HOMER3: variants seen among roughly 807,000 people sequenced by gnomAD.
The protein encoded by HOMER3 is homer protein homolog 3.
In HOMER3, 34 loss-of-function variants were observed where a neutral mutation model predicts 45.5. That is an observed-to-expected ratio of 0.75 (90% CI 0.57 to 1.00). The LOEUF (loss-of-function observed/expected upper bound fraction) is 1.00. HOMER3 is among the 50% of genes least tolerant of loss of function. The probability of loss-of-function intolerance (pLI) is 0.00; values close to 1 mark genes in which losing one functional copy is unlikely to be tolerated. For missense variants in HOMER3, 480 were observed against 497.5 expected, an observed-to-expected ratio of 0.96 and a Z score of 0.33; for synonymous variants, 223 against 208.8, an observed-to-expected ratio of 1.07 and a Z score of -0.58.
intron 4 of HOMER3, among the ~76,000 whole-genome samples, chr19:18,934,933 T>C (rs561583127): frequency 6.6e-6 from 1 of 151,158 alleles, no homozygotes; most frequent in Non-Finnish European, 1.5e-5. Context: ...AGTGACATGA[T>C]CTTGGCTCAC....
rs190493467 is a variant in HOMER3, at chr19:18,931,108, A to G, written c.894+217T>C. ...ACAGGAGGAATTGACGGGGTCTGGC[A>G]TGGGAATACAGCAGGAACTCAAGCA... On this transcript the variant is annotated intron_variant, in intron 9 of 9. Coordinates refer to ENST00000392351, the MANE Select transcript of HOMER3 (RefSeq NM_004838.4). 2.2e-4 allele frequency: 115 copies of G among 529,028 alleles called. No individual in the cohort carries two copies. In the East Asian group the frequency reaches 3.2e-3, roughly 15 times the overall value. 32.8% of individuals were successfully genotyped at this position (529,028 alleles called of 1,614,324 possible).
rs1157251664 is a variant in HOMER3, at chr19:18,941,033, T to A, written c.-68+18A>T. ...AGGCCCCCGCGCTCCCAGCGCAGGC[T>A]CGGCAGGCCGGGCTCACCCTGCCAG... On this transcript the variant is annotated intron_variant, in intron 1 of 9. Transcript: ENST00000392351. 6.6e-6 allele frequency: 1 copy of A among 151,750 alleles called. No individual in the cohort carries two copies. The highest frequency in any genetic ancestry group is 1.5e-5 in the Non-Finnish European group (1 of 67,906). 9.4% of individuals were successfully genotyped at this position (151,750 alleles called of 1,614,324 possible).
Position 18,939,049 on chromosome 19 carries a change from C to A in HOMER3, c.-67G>T, listed in dbSNP as rs756501786. The A allele has an allele frequency of 9.8e-5, 145 of 1,480,240 alleles. No homozygotes were observed. The Middle Eastern group carries it at 1.7e-3, about 18-fold the overall frequency. The allele number at this position is 1,480,240 out of a possible 1,614,324, so 91.7% of individuals were successfully genotyped here. A position where few individuals can be genotyped will look rare whatever the true frequency, so the allele number is the denominator to read the frequency against. On this transcript the variant is annotated splice_region_variant and 5_prime_UTR_variant, in exon 2 of 10. Transcript: ENST00000392351. ...AGGTGGCAGGAGCACTGGTTTGGCCCCTAGGGAGAGAGGAGGGACTATGAG... is the reference window on the plus strand; with the variant it reads ...AGGTGGCAGGAGCACTGGTTTGGCCACTAGGGAGAGAGGAGGGACTATGAG...
chr19:18,932,878 CACCCCTA>C, intron 6 of HOMER3, 39 bp downstream of exon 6: 15 of 772,968 alleles, frequency 1.9e-5, no homozygotes, highest in Non-Finnish European at 2.3e-5. Context: ...CCTCGTCCCC[CACCCCTA>C]CCCCCGCCCC....
In HOMER3 at chr19:18,931,341, G is replaced by A. The variant is rs1424581072; in HGVS notation, c.878C>T (p.Thr293Ile). The A allele has an allele frequency of 3.7e-6, 6 of 1,613,980 alleles. No individual in the cohort carries two copies. In the African/African-American group the frequency reaches 5.3e-5, roughly 14 times the overall value. Residue 293 changes from threonine (T) to isoleucine (I), a missense_variant, in exon 9 of 10, where the codon ACT becomes ATT. By Grantham distance (89) the Thr-to-Ile change is moderately conservative. Coordinates refer to ENST00000392351, the MANE Select transcript of HOMER3 (RefSeq NM_004838.4). Reference sequence around the variant, plus strand: ...CACACACACCTGCACCTTCTGCTGAGTCTCCTCACGCTCGGCAGCCTCCAG... The same window carrying A: ...CACACACACCTGCACCTTCTGCTGAATCTCCTCACGCTCGGCAGCCTCCAG... Reference protein sequence around the residue: ...EALEAAEREETQQKVQDLETR... With the variant: ...EALEAAEREEIQQKVQDLETR...
intron 4 of HOMER3, among the ~76,000 whole-genome samples, chr19:18,937,439 G>A (rs2145131902): frequency 6.6e-6 from 1 of 152,120 alleles, no homozygotes; most frequent in Middle Eastern, 3.4e-3. Flanking sequence ...CACTTTGGGA[G>A]GCCGAGGCAG....
chr19:18,936,081 C>T (rs146944517), intron 4 of HOMER3, among the ~76,000 whole-genome samples: 2,399 of 147,672 alleles, frequency 0.016, 77 homozygotes, highest in African/African-American at 0.056. Context: ...TTTGGGAGGC[C>T]GAGGCAGGTG....
Position 18,929,222 on chromosome 19 carries a change from G to C in HOMER3, c.*221C>G. The C allele has an allele frequency of 1.3e-6, 1 of 763,644 alleles. No homozygotes were observed. Among genetic ancestry groups the C allele is most frequent in the Non-Finnish European group, 2.4e-6 (1 of 417,700 alleles). The allele number at this position is 763,644 out of a possible 1,614,324, so 47.3% of individuals were successfully genotyped here. The stretch of plus-strand genomic sequence containing the variant: ...CACAGCCACGCTTAGAAATGTAATC[G>C]GGGGATCTAGAAATTCTACACAATG... On this transcript the variant is annotated 3_prime_UTR_variant, in exon 10 of 10. Transcript: ENST00000392351.
At chr19:18,933,985 C>T (rs900750638) in intron 5 of HOMER3, among the ~76,000 whole-genome samples, 3 of 152,128 alleles carry the variant, frequency 2.0e-5, no homozygotes, top group Admixed American at 6.6e-5. Context: ...GGATTACAGG[C>T]GTGAGCCACC....
chr19:18,938,036 CA>C (rs1568341205), intron 4 of HOMER3, among the ~76,000 whole-genome samples: 1 of 151,144 alleles, frequency 6.6e-6, no homozygotes, highest in African/African-American at 2.4e-5. Flanking sequence ...TAATAAAATA[CA>C]AAAAATTAGC....
intron 7 of HOMER3, 54 bp from the exon 8 acceptor site, chr19:18,931,679 C>G (rs1169778757): frequency 1.2e-5 from 19 of 1,537,470 alleles, no homozygotes; most frequent in Non-Finnish European, 1.7e-5. Context: ...CTCCCTTGCT[C>G]GCCCAACCTC....
At chr19:18,936,892 T>C (rs961829338) in intron 4 of HOMER3, among the ~76,000 whole-genome samples, 3 of 150,838 alleles carry the variant, frequency 2.0e-5, no homozygotes, top group African/African-American at 7.3e-5. Context: ...CTAGGGAGGC[T>C]GAGGCAGAAG....
At position 18,932,074 on chromosome 19, in the gene HOMER3, T is replaced by A. The variant is rs928416338; in HGVS notation, c.592A>T (p.Lys198Ter). 1.3e-6 allele frequency: 2 copies of A among 1,565,618 alleles called. No homozygotes were observed. Among genetic ancestry groups the A allele is most frequent in the Non-Finnish European group, 1.7e-6 (2 of 1,157,308 alleles). The stretch of plus-strand genomic sequence containing the variant: ...GCCTCTCGCAGGGCGCCTGCCAGCT[T>A]GTTGTTGCTGTCCTGCAGTGCGAAA... ...EFFALQDSNN[K>*]LAGALREANA... The change falls in exon 7 of 10, where the codon AAG becomes TAG. Residue 198 changes from lysine to a stop codon, truncating the protein, a stop_gained. Coordinates refer to ENST00000392351, the MANE Select transcript of HOMER3 (RefSeq NM_004838.4). LOFTEE classifies it high-confidence loss of function.
chr19:18,929,588 A>C lies in HOMER3; in HGVS notation c.941T>G (p.Met314Arg). The C allele has an allele frequency of 6.5e-7, 1 of 1,541,658 alleles. No individual in the cohort carries two copies. The highest frequency in any genetic ancestry group is 8.8e-7 in the Non-Finnish European group (1 of 1,142,814). Residue 314 changes from methionine (M) to arginine (R), a missense_variant, in exon 10 of 10, where the codon ATG (methionine) becomes AGG (arginine). Met to Arg is a moderately conservative substitution (Grantham distance 91, BLOSUM62 -1). Transcript: ENST00000392351. ...NAELEHQLRA[M>R]ERSLEEARAE... The stretch of plus-strand genomic sequence containing the variant: ...CCGTGCCTCCTCCAGGCTGCGCTCC[A>C]TCGCCCGCAGCTGGTGCTCCAACTC...
chr19:18,931,262 C>A, intron 9 of HOMER3, 63 bp downstream of exon 9: 1 of 1,377,038 alleles, frequency 7.3e-7, no homozygotes, highest in South Asian at 1.2e-5. Context: ...TAGATATTGT[C>A]CTGAGTGTCT....
intron 4 of HOMER3, among the ~76,000 whole-genome samples, chr19:18,936,320 AT>A (rs201311171): frequency 2.8e-5 from 4 of 140,760 alleles, no homozygotes; most frequent in Admixed American, 7.1e-5. Flanking sequence ...TCTCAAAAAA[AT>A]AAATAAATAA....
rs59473364 is a variant in HOMER3 at position 18,933,532 on chromosome 19, G to T, written c.412-487C>A. ...TGCCCTGCGAGAGGCCAGCGCCACC[G>T]CAGCCCAGTGCAGGCAGCAGCTGGA... On this transcript the variant is annotated intron_variant, in intron 5 of 9. Transcript: ENST00000392351. Among the ~76,000 whole-genome samples the T allele has an allele frequency of 9.1e-3, 1,379 of 152,274 alleles. 12 individuals are homozygous for T. Among genetic ancestry groups the T allele is most frequent in the African/African-American group, 0.03 (1,241 of 41,530 alleles).
At chr19:18,931,289 C>G in intron 9 of HOMER3, 36 bp downstream of exon 9, 1 of 1,538,924 alleles carries the variant, frequency 6.5e-7, no homozygotes, top group Non-Finnish European at 9.0e-7. Context: ...GTGACTGTCA[C>G]CCACCGTCAC....
chr19:18,939,276 C>A, intron 1 of HOMER3: 1 of 393,344 alleles, frequency 2.5e-6, no homozygotes, highest in Non-Finnish European at 4.6e-6. Context: ...CCCATCTCTA[C>A]CAAAAATTTA....
Sources: gnomAD v4.1 joint callset for allele counts (sites outside exome capture counted in the v4.1 genomes callset) on GRCh38, gnomAD v4.1.1 for gene constraint, MANE v1.5 for transcripts, NCBI Gene and HGNC (gene_info 2026-07-23, HGNC 2026-07-21) for gene names.